Variants in XYLT1 observed in about 807,000 individuals in gnomAD.
XYLT1 encodes xylosyltransferase 1.
A neutral mutation model predicts 91.3 loss-of-function variants in XYLT1; 36 were observed. The ratio of observed to expected loss-of-function variants is 0.39; its 90% confidence interval spans 0.30 to 0.52. XYLT1 has a LOEUF of 0.52. Ranked by LOEUF, XYLT1 falls within the 20% of genes least tolerant of loss-of-function variation. The pLI, the probability that XYLT1 is intolerant of heterozygous loss-of-function variation, is 0.68. For missense variants in XYLT1, 1,242 were observed against 1,284.5 expected, an observed-to-expected ratio of 0.97 and a Z score of 0.51; for synonymous variants, 588 against 532.0, an observed-to-expected ratio of 1.11 and a Z score of -1.45.
rs151107172 is a variant in XYLT1, at chr16:17,119,973, G to T, written c.2224-1994C>A. Among the ~76,000 whole-genome samples the T allele has an allele frequency of 2.6e-5, 4 of 152,258 alleles. No individual in the cohort carries two copies. In the East Asian group the frequency reaches 7.7e-4, roughly 29 times the overall value. On this transcript the variant is annotated intron_variant, in intron 10 of 11. Coordinates refer to ENST00000261381, the MANE Select transcript of XYLT1 (RefSeq NM_022166.4). ...GTGTCTTGCTTTCAGTTTTCATCAG[G>T]CCAGAGACTAAAGATTAGGACTAAG... is the stretch of plus-strand genomic sequence containing the variant.
intron 3 of XYLT1, among the ~76,000 whole-genome samples, chr16:17,254,067 G>C (rs1316245100): frequency 6.6e-6 from 1 of 152,134 alleles, no homozygotes; most frequent in African/African-American, 2.4e-5. Context: ...TGACAAAAAG[G>C]GTTCACAATA....
At chr16:17,433,762 T>C (rs2036419177) in intron 1 of XYLT1, among the ~76,000 whole-genome samples, 1 of 152,206 alleles carries the variant, frequency 6.6e-6, no homozygotes, top group Non-Finnish European at 1.5e-5. Flanking sequence ...CAAAGGTATT[T>C]GAATCAGGAA....
intron 1 of XYLT1, among the ~76,000 whole-genome samples, chr16:17,457,218 G>C (rs73527475): frequency 0.011 from 1,728 of 152,266 alleles, 31 homozygotes; most frequent in African/African-American, 0.04. Flanking sequence ...TTTAAGAAAG[G>C]AGGAAGAGGA....
At chr16:17,283,978 C>T (rs114453278) in intron 2 of XYLT1, among the ~76,000 whole-genome samples, 73 of 152,324 alleles carry the variant, frequency 4.8e-4, no homozygotes, top group African/African-American at 1.6e-3. Flanking sequence ...AGAGAATAAA[C>T]ACAGAGGGAA....
rs1292838579 is a variant in XYLT1 at position 17,338,474 on chromosome 16, A to C, written c.402+19538T>G. On this transcript the variant is annotated intron_variant, in intron 2 of 11. Coordinates refer to ENST00000261381, the MANE Select transcript of XYLT1 (RefSeq NM_022166.4). ...ACCTACGCTTTGCCGGGCTGGCTGGAAAGACTTTATAAAGGAAGAGGAGCC... is the reference window on the plus strand; with the variant it reads ...ACCTACGCTTTGCCGGGCTGGCTGGCAAGACTTTATAAAGGAAGAGGAGCC... 6.6e-6 allele frequency: 3 copies of C among 456,388 alleles called. No homozygotes were observed. The East Asian group carries it at 2.1e-4, about 32-fold the overall frequency. 28.3% of individuals were successfully genotyped at this position (456,388 alleles called of 1,614,324 possible).
intron 3 of XYLT1, chr16:17,250,955 G>A (rs2141748046): frequency 6.6e-6 from 1 of 152,324 alleles, no homozygotes; most frequent in East Asian, 1.9e-4. Context: ...AGTATCTCTG[G>A]CTGACAAATG....
intron 5 of XYLT1, among the ~76,000 whole-genome samples, chr16:17,174,733 CGCCACTAATTTCAGTTGTA>C: frequency 6.6e-6 from 1 of 152,036 alleles, no homozygotes; most frequent in African/African-American, 2.4e-5. Flanking sequence ...ATGTATTAAG[CGCCACTAATTTCAGTTGTA>C]TATTATTTTT....
At chr16:17,174,989 C>T (rs1283117629) in intron 5 of XYLT1, among the ~76,000 whole-genome samples, 1 of 152,152 alleles carries the variant, frequency 6.6e-6, no homozygotes, top group Non-Finnish European at 1.5e-5. Flanking sequence ...CCAGGCTGGT[C>T]TCGAATTCCT....
chr16:17,297,289 G>A (rs1024316762), intron 2 of XYLT1, among the ~76,000 whole-genome samples: 1 of 152,102 alleles, frequency 6.6e-6, no homozygotes, highest in South Asian at 2.1e-4. Context: ...ATATCAGCAC[G>A]GGTGCAGTGG....
intron 1 of XYLT1, among the ~76,000 whole-genome samples, chr16:17,466,725 C>T (rs1018005115): frequency 6.6e-6 from 1 of 152,206 alleles, no homozygotes; most frequent in Admixed American, 6.5e-5. Flanking sequence ...ACAAACATAT[C>T]TATACCTACG....
chr16:17,401,989 T>A (rs1208571850), intron 1 of XYLT1, among the ~76,000 whole-genome samples: 2 of 152,108 alleles, frequency 1.3e-5, no homozygotes, highest in African/African-American at 4.8e-5. Context: ...AGCAGAGAGA[T>A]GACAGAAAAG....
chr16:17,136,270 G>T (rs1177973414), intron 8 of XYLT1, among the ~76,000 whole-genome samples: 2 of 152,170 alleles, frequency 1.3e-5, no homozygotes, highest in Admixed American at 1.3e-4. Flanking sequence ...AAGCCCAAAT[G>T]CATGACTCCA....
intron 3 of XYLT1, among the ~76,000 whole-genome samples, chr16:17,232,427 GTGTA>G (rs1176081984): frequency 0.02 from 1,957 of 99,320 alleles, 35 homozygotes; most frequent in African/African-American, 0.054. Flanking sequence ...GTGTGTGTGT[GTGTA>G]TATATATATA....
At chr16:17,386,442 G>A (rs2035748680) in intron 1 of XYLT1, among the ~76,000 whole-genome samples, 1 of 152,198 alleles carries the variant, frequency 6.6e-6, no homozygotes, top group Admixed American at 6.5e-5. Context: ...CAGCAGAGTT[G>A]CTTTAAATAG....
intron 5 of XYLT1, among the ~76,000 whole-genome samples, chr16:17,171,877 A>C (rs1330771257): frequency 6.6e-6 from 1 of 152,254 alleles, no homozygotes; most frequent in Non-Finnish European, 1.5e-5. Flanking sequence ...CATTTAAAAA[A>C]CGGCCAATTT....
At chr16:17,168,774 C>T (rs1342217250) in intron 5 of XYLT1, among the ~76,000 whole-genome samples, 1 of 152,118 alleles carries the variant, frequency 6.6e-6, no homozygotes, top group Non-Finnish European at 1.5e-5. Flanking sequence ...CTGGCCCGGC[C>T]TCCAGGCTCC....
At chr16:17,305,960 G>T (rs1428151480) in intron 2 of XYLT1, among the ~76,000 whole-genome samples, 2 of 152,084 alleles carry the variant, frequency 1.3e-5, no homozygotes, top group Non-Finnish European at 1.5e-5. Context: ...TCTGGCTAAG[G>T]ACAGGAAGGG....
At chr16:17,368,894 C>T (rs1388045163) in intron 1 of XYLT1, among the ~76,000 whole-genome samples, 3 of 151,830 alleles carry the variant, frequency 2.0e-5, no homozygotes, top group African/African-American at 4.8e-5. Flanking sequence ...TGCTTTTTCT[C>T]TTGATGACAT....
chr16:17,448,499 C>T (rs1207655188), intron 1 of XYLT1, among the ~76,000 whole-genome samples: 3 of 152,126 alleles, frequency 2.0e-5, no homozygotes, highest in African/African-American at 7.2e-5. Flanking sequence ...AAAATGCATA[C>T]AGAGAAGCTA....
Sources: gnomAD v4.1 joint callset for allele counts (sites outside exome capture counted in the v4.1 genomes callset) on GRCh38, gnomAD v4.1.1 for gene constraint, MANE v1.5 for transcripts, NCBI Gene and HGNC (gene_info 2026-07-23, HGNC 2026-07-21) for gene names.